Variants in NEGR1 observed in about 807,000 individuals in gnomAD.
The protein encoded by NEGR1 is neuronal growth regulator 1.
Under a neutral mutation model 40.9 loss-of-function variants are expected in NEGR1, and 10 were observed. That is an observed-to-expected ratio of 0.24 (90% CI 0.15 to 0.42). The LOEUF (loss-of-function observed/expected upper bound fraction) is 0.42, where lower values mean the gene tolerates loss of function less well. Ranked by LOEUF, NEGR1 falls within the 10% of genes least tolerant of loss-of-function variation. The probability of loss-of-function intolerance (pLI) is 1.00; values close to 1 mark genes in which losing one functional copy is unlikely to be tolerated. For synonymous variants in NEGR1, 185 were observed against 166.8 expected, an observed-to-expected ratio of 1.11 and a Z score of -0.84; for missense variants, 352 against 438.9, an observed-to-expected ratio of 0.80 and a Z score of 1.77.
chr1:72,152,889 C>T (rs936483116), intron 1 of NEGR1, among the ~76,000 whole-genome samples: 2 of 151,872 alleles, frequency 1.3e-5, no homozygotes, highest in Admixed American at 1.3e-4. Flanking sequence ...GGACAGAAAA[C>T]TAAATACCAT....
intron 2 of NEGR1, among the ~76,000 whole-genome samples, chr1:71,899,421 A>G (rs1398975008): frequency 3.3e-5 from 5 of 152,150 alleles, no homozygotes; most frequent in African/African-American, 4.8e-5. Flanking sequence ...AGGTTGGGGG[A>G]AAAAGTTAGG....
chr1:72,074,443 A>T (rs1053469527), intron 1 of NEGR1, among the ~76,000 whole-genome samples: 10 of 152,020 alleles, frequency 6.6e-5, no homozygotes, highest in Admixed American at 1.3e-4. Context: ...TCAGTTGGGA[A>T]AGGAAAAAAT....
chr1:72,127,494 A>T (rs1963010), intron 1 of NEGR1, among the ~76,000 whole-genome samples: 2 of 140,050 alleles, frequency 1.4e-5, no homozygotes, highest in Non-Finnish European at 1.5e-5. Context: ...AAAAAAAGGG[A>T]GAATTGCAAT....
chr1:72,144,155 A>G (rs1187367188), intron 1 of NEGR1, among the ~76,000 whole-genome samples: 1 of 151,208 alleles, frequency 6.6e-6, no homozygotes, highest in African/African-American at 2.4e-5. Context: ...TTTGAGTAGA[A>G]TGTTCCAGAA....
chr1:72,126,896 A>T (rs1650043322), intron 1 of NEGR1, among the ~76,000 whole-genome samples: 1 of 152,178 alleles, frequency 6.6e-6, no homozygotes, highest in African/African-American at 2.4e-5. Context: ...CATCTTATAA[A>T]AGGTATTTCT....
At chr1:71,691,085 ATACACTTCAGT>A (rs1190794104) in intron 4 of NEGR1, among the ~76,000 whole-genome samples, 1 of 151,964 alleles carries the variant, frequency 6.6e-6, no homozygotes, top group East Asian at 1.9e-4. Flanking sequence ...GCATGGGAGA[ATACACTTCAGT>A]TAAACTGGAT....
At chr1:71,966,191 G>A (rs1413849079) in intron 1 of NEGR1, among the ~76,000 whole-genome samples, 1 of 152,108 alleles carries the variant, frequency 6.6e-6, no homozygotes, top group African/African-American at 2.4e-5. Flanking sequence ...CTGCAGCTCA[G>A]ATTCATAACA....
At chr1:71,697,692 A>C (rs1294026784) in intron 4 of NEGR1, among the ~76,000 whole-genome samples, 2 of 151,830 alleles carry the variant, frequency 1.3e-5, no homozygotes, top group African/African-American at 2.4e-5. Context: ...GGTAAAGCTC[A>C]TGAGGAAAAC....
chr1:71,943,060 GTGTGTATATATA>G (rs998112874), intron 1 of NEGR1, among the ~76,000 whole-genome samples: 4 of 132,382 alleles, frequency 3.0e-5, no homozygotes, highest in East Asian at 2.1e-4. Flanking sequence ...ATATATATGT[GTGTGTATATATA>G]TGTGTATATA....
chr1:72,037,433 A>G (rs1646912864), intron 1 of NEGR1, among the ~76,000 whole-genome samples: 1 of 152,152 alleles, frequency 6.6e-6, no homozygotes, highest in Non-Finnish European at 1.5e-5. Context: ...CACTTAAGCC[A>G]CATAATTAAT....
At chr1:71,415,134 T>C (rs190492325) in intron 6 of NEGR1, among the ~76,000 whole-genome samples, 1 of 152,202 alleles carries the variant, frequency 6.6e-6, no homozygotes, top group Admixed American at 6.5e-5. Context: ...TTGGGTTTTT[T>C]TTTTCATTTG....
chr1:71,872,980 C>T (rs894473086), intron 2 of NEGR1, among the ~76,000 whole-genome samples: 2 of 151,776 alleles, frequency 1.3e-5, no homozygotes, highest in Non-Finnish European at 2.9e-5. Context: ...TAGACTTAAC[C>T]GATGTTTCAC....
At chr1:71,623,150 A>G (rs1224119135) in intron 4 of NEGR1, among the ~76,000 whole-genome samples, 3 of 151,904 alleles carry the variant, frequency 2.0e-5, no homozygotes, top group Non-Finnish European at 4.4e-5. Context: ...AGAAAAAGAA[A>G]AAAATAAGAT....
At chr1:71,986,359 A>T (rs1260919360) in intron 1 of NEGR1, among the ~76,000 whole-genome samples, 1 of 152,186 alleles carries the variant, frequency 6.6e-6, no homozygotes, top group Non-Finnish European at 1.5e-5. Context: ...GTGAATGTTT[A>T]AGTTTTCGTT....
intron 2 of NEGR1, among the ~76,000 whole-genome samples, chr1:71,826,212 T>C (rs1044723752): frequency 4.6e-5 from 7 of 151,928 alleles, no homozygotes; most frequent in Admixed American, 4.6e-4. Flanking sequence ...AATGAACATA[T>C]GCAATCAAGT....
chr1:72,214,165 C>T (rs1366485082), intron 1 of NEGR1, among the ~76,000 whole-genome samples: 1 of 151,886 alleles, frequency 6.6e-6, no homozygotes, highest in Non-Finnish European at 1.5e-5. Context: ...AAATTCAACA[C>T]CCCTTCATGA....
At chr1:71,865,659 G>A (rs1660090692) in intron 2 of NEGR1, among the ~76,000 whole-genome samples, 1 of 152,086 alleles carries the variant, frequency 6.6e-6, no homozygotes, top group Middle Eastern at 3.2e-3. Context: ...TAGATGAAGG[G>A]TTGATGGGTA....
chr1:71,677,032 C>T (rs1652665253), intron 4 of NEGR1, among the ~76,000 whole-genome samples: 1 of 152,140 alleles, frequency 6.6e-6, no homozygotes, highest in East Asian at 1.9e-4. Context: ...GTTACTTGAA[C>T]TTCATTTATT....
In NEGR1 at chr1:72,038,247, T is replaced by C. The variant is rs549143253; in HGVS notation, c.177-102936A>G. Among the ~76,000 whole-genome samples the C allele has an allele frequency of 6.6e-5, 10 of 152,180 alleles. No individual in the cohort carries two copies. In the South Asian group the frequency reaches 2.1e-3, roughly 32 times the overall value. On this transcript the variant is annotated intron_variant, in intron 1 of 6. Coordinates refer to ENST00000357731, the MANE Select transcript of NEGR1 (RefSeq NM_173808.3). ...TACGATTAGGTCATTTTACATGCAT[T>C]GGTAAGGATAAATATCTACAATGTA...
Sources: allele counts gnomAD v4.1 joint callset (sites outside exome capture counted in the v4.1 genomes callset), GRCh38; gene constraint gnomAD v4.1.1; transcripts MANE v1.5; gene names NCBI Gene and HGNC (gene_info 2026-07-23, HGNC 2026-07-21).